GALNTL6: variants seen among roughly 807,000 people sequenced by gnomAD.
GALNTL6 encodes the protein polypeptide N-acetylgalactosaminyltransferase like 6.
GALNTL6 carries 46 observed loss-of-function variants against 73.7 expected under a neutral mutation model. The ratio of observed to expected loss-of-function variants is 0.62; its 90% CI spans 0.49 to 0.80. The LOEUF (loss-of-function observed/expected upper bound fraction) is 0.80. GALNTL6 is among the 30% of genes least tolerant of loss of function. The pLI, the probability that GALNTL6 is intolerant of heterozygous loss-of-function variation, is 0.00. For missense variants in GALNTL6, 604 were observed against 755.0 expected (o/e 0.80, Z 2.34); for synonymous variants, 259 against 263.7 (o/e 0.98, Z 0.17).
intron 5 of GALNTL6, among the ~76,000 whole-genome samples, chr4:172,387,940 C>G (rs1380865564): frequency 6.6e-6 from 1 of 151,970 alleles, no homozygotes; most frequent in Non-Finnish European, 1.5e-5. Flanking sequence ...TATTACTTTC[C>G]TCTCAAATAC....
At chr4:172,608,748 A>G (rs1343210435) in intron 5 of GALNTL6, among the ~76,000 whole-genome samples, 1 of 152,026 alleles carries the variant, frequency 6.6e-6, no homozygotes, top group Non-Finnish European at 1.5e-5. Context: ...CATTTTAATA[A>G]TACTGATTTA....
At chr4:172,801,513 C>A (rs996390505) in intron 5 of GALNTL6, among the ~76,000 whole-genome samples, 24 of 151,926 alleles carry the variant, frequency 1.6e-4, no homozygotes, top group African/African-American at 5.8e-4. Flanking sequence ...TAAGGTATTG[C>A]CCACATAACT....
At chr4:172,884,578 T>C (rs1425177484) in intron 8 of GALNTL6, among the ~76,000 whole-genome samples, 1 of 152,214 alleles carries the variant, frequency 6.6e-6, no homozygotes, top group Non-Finnish European at 1.5e-5. Context: ...AGGTTGTCTC[T>C]TCACTTTGTT....
At position 171,835,936 on chromosome 4, in the gene GALNTL6, G is replaced by A. The variant is rs866903829; in HGVS notation, c.138+21218G>A. Among the ~76,000 whole-genome samples, 8 of 151,964 alleles carry A rather than the reference G, an allele frequency of 5.3e-5. No homozygotes were observed. The South Asian group carries it at 1.0e-3, about 20-fold the overall frequency. On this transcript the variant is annotated intron_variant, in intron 2 of 12. Coordinates refer to ENST00000506823, the MANE Select transcript of GALNTL6 (RefSeq NM_001034845.3). ...TTTAAATGTTATTGTAAGATAGGGT[G>A]CAATCAATTGATAGTTGAACGAGGT...
chr4:172,731,131 C>CAACAGAGTATATGGTATAA (rs1241699851), intron 5 of GALNTL6, among the ~76,000 whole-genome samples: 5 of 150,196 alleles, frequency 3.3e-5, no homozygotes, highest in Non-Finnish European at 5.9e-5. Context: ...GATATTAGTT[C>CAACAGAGTATATGGTATAA]TTCTTTAAAT....
chr4:171,903,542 T>C (rs1433713959), intron 2 of GALNTL6, among the ~76,000 whole-genome samples: 12 of 150,202 alleles, frequency 8.0e-5, no homozygotes, highest in African/African-American at 3.0e-4. Context: ...GAGATCAAAC[T>C]GCAAGGCGGC....
intron 2 of GALNTL6, among the ~76,000 whole-genome samples, chr4:172,050,191 C>T (rs1211535091): frequency 1.3e-5 from 2 of 152,038 alleles, no homozygotes; most frequent in African/African-American, 2.4e-5. Context: ...GTAGGCTCAC[C>T]GGGCCAAGGT....
intron 2 of GALNTL6, among the ~76,000 whole-genome samples, chr4:171,822,869 G>A (rs2110807205): frequency 1.3e-5 from 2 of 152,290 alleles, no homozygotes. Flanking sequence ...TTAGAGTTTA[G>A]AAGAGGTAAA....
chr4:171,954,068 G>A (rs1738971677), intron 2 of GALNTL6, among the ~76,000 whole-genome samples: 1 of 152,064 alleles, frequency 6.6e-6, no homozygotes, highest in Admixed American at 6.6e-5. Context: ...TGTGAGGAGT[G>A]GTTTTCAAAC....
chr4:171,869,112 A>G (rs949797141), intron 2 of GALNTL6, among the ~76,000 whole-genome samples: 2 of 152,226 alleles, frequency 1.3e-5, no homozygotes, highest in Non-Finnish European at 2.9e-5. Context: ...CTCAGTTGGT[A>G]TAGCTAAAAG....
chr4:173,021,574 A>G lies in GALNTL6; in HGVS notation c.1587A>G (p.Thr529=). 1.2e-6 allele frequency: 2 copies of G among 1,613,950 alleles called. No individual in the cohort carries two copies. The highest frequency in any genetic ancestry group is 1.7e-6 in the Non-Finnish European group (2 of 1,179,978). Residue 529 remains threonine (T), a synonymous_variant, in exon 12 of 13, where the codon ACA becomes ACG. Transcript: ENST00000506823. The part of the protein sequence containing the change: ...FDAISHNSPV[T]LYDCHGMKGN... Reference sequence around the variant, plus strand: ...CGATCTCACACAACAGCCCCGTTACACTCTATGACTGTCATGGCATGAAGG... The same window carrying G: ...CGATCTCACACAACAGCCCCGTTACGCTCTATGACTGTCATGGCATGAAGG...
intron 5 of GALNTL6, among the ~76,000 whole-genome samples, chr4:172,732,414 G>A (rs1434743679): frequency 6.6e-6 from 1 of 152,018 alleles, no homozygotes; most frequent in African/African-American, 2.4e-5. Flanking sequence ...CTAGTTATGT[G>A]TGTCTTTACA....
At chr4:172,049,227 TA>T (rs76551818) in intron 2 of GALNTL6, among the ~76,000 whole-genome samples, 27,610 of 152,002 alleles carry the variant, frequency 0.18, 2,698 homozygotes, top group East Asian at 0.27. Context: ...CTTCATGAAA[TA>T]AAAATTTTTT....
At position 172,809,264 on chromosome 4, in the gene GALNTL6, C is replaced by A; in HGVS notation, c.554-97C>A. The stretch of plus-strand genomic sequence containing the variant: ...GAGACAAGAATGTTACCCCAGGATT[C>A]ATCAGTCACATACTCTCTATGCACA... On this transcript the variant is annotated intron_variant, in intron 5 of 12. Transcript: ENST00000506823. The surrounding 1 kb of genome is among the most constrained non-coding windows in gnomAD (Gnocchi z 4.4). The A allele has an allele frequency of 2.2e-6, 2 of 893,068 alleles. No homozygotes were observed. The highest frequency in any genetic ancestry group is 1.6e-5 in the South Asian group (1 of 61,250). 55.3% of individuals were successfully genotyped at this position (893,068 alleles called of 1,614,324 possible). A position where few individuals can be genotyped will look rare whatever the true frequency, so the allele number is the denominator to read the frequency against.
intron 3 of GALNTL6, among the ~76,000 whole-genome samples, chr4:172,287,655 GTAGA>G (rs1001597426): frequency 6.6e-6 from 1 of 152,144 alleles, no homozygotes; most frequent in Non-Finnish European, 1.5e-5. Flanking sequence ...AAAAAGACAG[GTAGA>G]TAAATTCCCC....
At chr4:172,974,197 A>T (rs1035285319) in intron 10 of GALNTL6, among the ~76,000 whole-genome samples, 3 of 152,180 alleles carry the variant, frequency 2.0e-5, no homozygotes, top group Non-Finnish European at 2.9e-5. Context: ...AGTAACAAAA[A>T]ATTTCATTCA....
rs573325842 is a variant in GALNTL6 at position 173,020,563 on chromosome 4, C to A, written c.1489-913C>A. On this transcript the variant is annotated intron_variant, in intron 11 of 12. Transcript: ENST00000506823. ...TTACAGTCTAAAACTTTCTACATTG[C>A]CCTGCAGAATTACTCTTACCAACCC... Among the ~76,000 whole-genome samples, 13 of 152,276 alleles carry A rather than the reference C, an allele frequency of 8.5e-5. No individual in the cohort carries two copies. In the South Asian group the frequency reaches 2.7e-3, roughly 32 times the overall value.
intron 9 of GALNTL6, among the ~76,000 whole-genome samples, chr4:172,940,972 A>G (rs1194361236): frequency 2.0e-5 from 3 of 152,178 alleles, no homozygotes; most frequent in Admixed American, 1.3e-4. Flanking sequence ...CACCATGTAC[A>G]GCCTCAAAAC....
At chr4:172,553,137 C>G (rs1736025176) in intron 5 of GALNTL6, among the ~76,000 whole-genome samples, 1 of 152,092 alleles carries the variant, frequency 6.6e-6, no homozygotes, top group African/African-American at 2.4e-5. Flanking sequence ...TATGAAATTG[C>G]CAATATTTGG....
Sources: gnomAD v4.1 joint callset for allele counts (sites outside exome capture counted in the v4.1 genomes callset) on GRCh38, gnomAD v4.1.1 for gene constraint, Gnocchi (gnomAD v3.1) non-coding constraint, MANE v1.5 for transcripts, NCBI Gene and HGNC (gene_info 2026-07-23, HGNC 2026-07-21) for gene names.